Variants in SORBS3 observed in about 807,000 individuals in gnomAD.
SORBS3 encodes vinexin.
In SORBS3, 69 loss-of-function variants were observed where a neutral mutation model predicts 98.0. The observed-to-expected ratio is 0.70, with a 90% CI of 0.58 to 0.86. The LOEUF (loss-of-function observed/expected upper bound fraction) is 0.86, where lower values mean the gene tolerates loss of function less well. Among genes scored for constraint, SORBS3 ranks in the 40% least tolerant of loss-of-function variants. SORBS3 has a pLI of 0.00. For missense variants in SORBS3, 954 were observed against 908.5 expected, an observed-to-expected ratio of 1.05 and a Z score of -0.64; for synonymous variants, 394 against 355.4, an observed-to-expected ratio of 1.11 and a Z score of -1.22.
At chr8:22,547,904 A>G (rs1179950309), upstream of SORBS3, among the ~76,000 whole-genome samples, 1 of 152,204 alleles carries the variant, frequency 6.6e-6, no homozygotes, top group Non-Finnish European at 1.5e-5. Flanking sequence ...TAAATTGGGC[A>G]AACGGCTGAG....
Position 22,572,459 on chromosome 8 carries a change from G to C in SORBS3, c.1954+13G>C. The C allele has an allele frequency of 6.2e-7, 1 of 1,601,214 alleles. No homozygotes were observed. Among genetic ancestry groups the C allele is most frequent in the South Asian group, 1.1e-5 (1 of 90,854 alleles). On this transcript the variant is annotated intron_variant, in intron 20 of 20. Coordinates refer to ENST00000240123, the MANE Select transcript of SORBS3 (RefSeq NM_005775.5). ...GGCTGGTTTGTGGGTATGTGGGCAG[G>C]CCGGGAGGGGGCATCTCAGGGCCCC...
chr8:22,562,282 AGAACTGTT>A (rs1241500238), intron 7 of SORBS3, among the ~76,000 whole-genome samples: 1 of 152,226 alleles, frequency 6.6e-6, no homozygotes, highest in Admixed American at 6.5e-5. Context: ...AGCCGTGGAC[AGAACTGTT>A]GAGGGGAACT....
rs1378867789 is a variant in SORBS3 at position 22,565,365 on chromosome 8, C to T, written c.903+11C>T. 2 of 1,537,286 alleles carry T rather than the reference C, an allele frequency of 1.3e-6. No individual in the cohort carries two copies. The highest frequency in any genetic ancestry group is 2.5e-5 in the East Asian group (1 of 39,464). Reference sequence around the variant, plus strand: ...CTGCCGTCCCCCAAGGTACCAGCCCCCAGGGTTCACCCGCGGGGCACGCCG... The same window carrying T: ...CTGCCGTCCCCCAAGGTACCAGCCCTCAGGGTTCACCCGCGGGGCACGCCG... On this transcript the variant is annotated intron_variant, in intron 11 of 20. Coordinates refer to ENST00000240123, the MANE Select transcript of SORBS3 (RefSeq NM_005775.5).
rs762997962 is a variant in SORBS3, at chr8:22,566,858, C to T, written c.1180C>T (p.Gln394Ter). 2 of 1,612,100 alleles carry T rather than the reference C, an allele frequency of 1.2e-6. No homozygotes were observed. The highest frequency in any genetic ancestry group is 1.1e-5 in the South Asian group (1 of 90,788). The change falls in exon 15 of 21, where the codon CAG (glutamine) becomes TAG (stop). Residue 394 changes from glutamine to a stop codon, truncating the protein, a stop_gained. Transcript: ENST00000240123. LOFTEE classifies it high-confidence loss of function. ...CAGGCTCAAGTTTGACTTCCAGGCGCAGTCCCCCAAGTAAGCGCCCTCCTC... is the reference window on the plus strand; with the variant it reads ...CAGGCTCAAGTTTGACTTCCAGGCGTAGTCCCCCAAGTAAGCGCCCTCCTC... ...AARLKFDFQA[Q>*]SPKELTLQKG... is the part of the protein sequence containing the mutation.
chr8:22,564,280 C>A lies in SORBS3; in HGVS notation c.676-3C>A. 1 of 1,587,008 alleles carries A rather than the reference C, an allele frequency of 6.3e-7. No homozygotes were observed. The highest frequency in any genetic ancestry group is 2.3e-5 in the East Asian group (1 of 43,436). ...AAGCTGACACCCACCCACCTCCACG[C>A]AGGTGCTCAGACGCCGGGAAAAAGT... On this transcript the variant is annotated splice_region_variant and splice_polypyrimidine_tract_variant and intron_variant, in intron 8 of 20. Coordinates refer to ENST00000240123, the MANE Select transcript of SORBS3 (RefSeq NM_005775.5).
At chr8:22,565,954 G>T in intron 12 of SORBS3, 82 bp downstream of exon 12, 1 of 981,460 alleles carries the variant, frequency 1.0e-6, no homozygotes, top group Non-Finnish European at 1.3e-6. Context: ...CGGGGCGGAC[G>T]GGGGCGATCG....
chr8:22,566,756 G>C (rs1355493709), intron 14 of SORBS3, 43 bp downstream of exon 14: 1 of 1,613,494 alleles, frequency 6.2e-7, no homozygotes, highest in Admixed American at 1.7e-5. Flanking sequence ...GTGGTCCCAA[G>C]GCTGCCATCC....
At chr8:22,561,480 C>T in intron 6 of SORBS3, 107 bp downstream of exon 6, 1 of 1,250,936 alleles carries the variant, frequency 8.0e-7, no homozygotes, top group Non-Finnish European at 1.2e-6. Context: ...CTCCAGTTGG[C>T]TCAGTTCAAC....
upstream of SORBS3, among the ~76,000 whole-genome samples, chr8:22,551,011 C>G (rs79285904): frequency 1.3e-5 from 2 of 152,146 alleles, no homozygotes; most frequent in Non-Finnish European, 2.9e-5. This position sits in a 1 kb window ranked among gnomAD's most constrained non-coding sequence, Gnocchi z 5.8. Flanking sequence ...GATGGGGAGC[C>G]GGAAGGGCCG....
chr8:22,557,332 C>T (rs935739652), intron 4 of SORBS3, among the ~76,000 whole-genome samples: 3 of 152,150 alleles, frequency 2.0e-5, no homozygotes, highest in East Asian at 1.9e-4. Context: ...TGGAAGGATC[C>T]GGGGGTCCAG....
intron 5 of SORBS3, among the ~76,000 whole-genome samples, chr8:22,558,479 T>C (rs2449346): frequency 0.42 from 63,489 of 152,102 alleles, 13,800 homozygotes; most frequent in Non-Finnish European, 0.48. Flanking sequence ...CTGATTTCCC[T>C]GCCAAGCTGG....
intron 11 of SORBS3, chr8:22,565,560 C>G: frequency 1.0e-5 from 6 of 591,064 alleles, no homozygotes; most frequent in Admixed American, 9.1e-5. Flanking sequence ...GCAAGTGACC[C>G]CGAGGAGCCT....
intron 5 of SORBS3, among the ~76,000 whole-genome samples, chr8:22,560,354 G>C (rs1209998699): frequency 6.6e-6 from 1 of 152,012 alleles, no homozygotes; most frequent in Non-Finnish European, 1.5e-5. Flanking sequence ...AGATCACCTA[G>C]GGAGATAGAG....
chr8:22,554,724 T>G lies in SORBS3; in HGVS notation c.102+116T>G. On this transcript the variant is annotated intron_variant, in intron 2 of 20. Transcript: ENST00000240123. This position sits in a 1 kb window ranked among gnomAD's most constrained non-coding sequence, Gnocchi z 6.5. ...ATGGAGGGAGGGCTGAAGAGAGCTC[T>G]GGGGGGCCTCGCTGGTTTCCCACAA... 1 of 1,374,056 alleles carries G rather than the reference T, an allele frequency of 7.3e-7. No homozygotes were observed. The highest frequency in any genetic ancestry group is 9.9e-7 in the Non-Finnish European group (1 of 1,012,830). 85.1% of individuals were successfully genotyped at this position (1,374,056 alleles called of 1,614,324 possible).
In SORBS3 at chr8:22,556,832, G is replaced by A. The variant is rs1034904104; in HGVS notation, c.338G>A (p.Arg113His). ...WSATWTKDSK[R>H]RDKRWVKYEG... The stretch of plus-strand genomic sequence containing the variant: ...GCCACGTGGACCAAGGACAGCAAGC[G>A]TCGGGACAAGCGCTGGGTCAAGTAC... Residue 113 changes from arginine to histidine, a missense_variant, in exon 4 of 21, where the codon CGT becomes CAT. Arg to His is a conservative substitution (Grantham distance 29). Transcript: ENST00000240123. 1.5e-5 allele frequency: 25 copies of A among 1,613,544 alleles called. No individual in the cohort carries two copies. Among genetic ancestry groups the A allele is most frequent in the African/African-American group, 4.0e-5 (3 of 74,932 alleles).
chr8:22,554,516 C>T lies in SORBS3; in HGVS notation c.10C>T (p.Pro4Ser), dbSNP rs1181325536. Residue 4 changes from proline to serine, a missense_variant, in exon 2 of 21, where the codon CCA becomes TCA. Transcript: ENST00000240123. This position sits in a 1 kb window ranked among gnomAD's most constrained non-coding sequence, Gnocchi z 6.5. MQG[P>S]PRSLRAGLSL... ...CCACCTTGACCCAAGCATGCAGGGC[C>T]CACCCCGCAGCCTCCGCGCTGGGCT... is the stretch of plus-strand genomic sequence containing the variant. The T allele has an allele frequency of 6.2e-7, 1 of 1,611,714 alleles. No homozygotes were observed. The highest frequency in any genetic ancestry group is 8.5e-7 in the Non-Finnish European group (1 of 1,179,770).
intron 10 of SORBS3, chr8:22,564,724 T>C: frequency 7.1e-7 from 1 of 1,418,206 alleles, no homozygotes; most frequent in Non-Finnish European, 9.2e-7. Flanking sequence ...TAAATATGTG[T>C]TGGCCAAAGC....
chr8:22,546,465 C>A (rs952578867), intron 1 of SORBS3, among the ~76,000 whole-genome samples: 2 of 152,130 alleles, frequency 1.3e-5, no homozygotes, highest in African/African-American at 4.8e-5. Flanking sequence ...TCTCTCCAGC[C>A]CTTTCATTTT....
chr8:22,569,134 C>G lies in SORBS3; in HGVS notation c.1306-14C>G, dbSNP rs1455412462. The G allele has an allele frequency of 6.3e-7, 1 of 1,594,214 alleles. No homozygotes were observed. Among genetic ancestry groups the G allele is most frequent in the Non-Finnish European group, 8.6e-7 (1 of 1,169,518 alleles). ...GCCCAGGCCAAATCTTTCTCATGAC[C>G]TTTCTTCATGCAGGTGCTGCCCGCA... On this transcript the variant is annotated splice_polypyrimidine_tract_variant and intron_variant, in intron 16 of 20. Transcript: ENST00000240123.
Sources: allele counts gnomAD v4.1 joint callset (sites outside exome capture counted in the v4.1 genomes callset), GRCh38; gene constraint gnomAD v4.1.1; non-coding constraint Gnocchi (gnomAD v3.1); transcripts MANE v1.5; gene names NCBI Gene and HGNC (gene_info 2026-07-23, HGNC 2026-07-21).